The following SRP68 variants were observed in gnomAD, a reference collection of about 807,000 sequenced individuals.
SRP68 encodes the protein signal recognition particle 68.
A neutral mutation model predicts 82.2 loss-of-function variants in SRP68; 15 were observed. That is an observed-to-expected ratio of 0.18 (90% CI 0.12 to 0.28). SRP68 has a LOEUF of 0.28. Among genes scored for constraint, SRP68 ranks in the 10% least tolerant of loss-of-function variants. SRP68 has a pLI of 1.00. For synonymous variants in SRP68, 261 were observed against 292.6 expected (o/e 0.89, Z 1.10); for missense variants, 595 against 780.5 (o/e 0.76, Z 2.83).
At chr17:76,046,014 G>C in intron 11 of SRP68, 24 bp downstream of exon 11, 1 of 1,613,182 alleles carries the variant, frequency 6.2e-7, no homozygotes, top group South Asian at 1.1e-5. Context: ...ACAGGCCCTT[G>C]CCTTCCCGGT....
At chr17:76,055,926 G>A (rs1224875629) in intron 8 of SRP68, among the ~76,000 whole-genome samples, 1 of 147,850 alleles carries the variant, frequency 6.8e-6, no homozygotes, top group Non-Finnish European at 1.5e-5. Flanking sequence ...TCTTGCCTCA[G>A]CCTCCAAGTA....
At chr17:76,054,932 G>A (rs1314463892) in intron 8 of SRP68, among the ~76,000 whole-genome samples, 1 of 151,924 alleles carries the variant, frequency 6.6e-6, no homozygotes, top group African/African-American at 2.4e-5. Flanking sequence ...TATCAATGAA[G>A]GCATATAGGA....
intron 4 of SRP68, among the ~76,000 whole-genome samples, chr17:76,062,438 ACT>A (rs144744321): frequency 0.39 from 50,090 of 130,052 alleles, 10,246 homozygotes; most frequent in East Asian, 0.5. Context: ...ACACAGTGAG[ACT>A]CTCTTTCTAA....
rs544965338 is a variant in SRP68 at position 76,041,860 on chromosome 17, G to A, written c.1525-882C>T. Among the ~76,000 whole-genome samples the A allele has an allele frequency of 1.1e-4, 17 of 150,978 alleles. No homozygotes were observed. In the South Asian group the frequency reaches 1.3e-3, roughly 11 times the overall value. ...TCCAGCAGCTCCTACACTGGCTGGC[G>A]TGACTCCATCAACGACAGGAACCTT... On this transcript the variant is annotated intron_variant, in intron 13 of 15. Coordinates refer to ENST00000307877, the MANE Select transcript of SRP68 (RefSeq NM_014230.4).
chr17:76,053,354 T>C (rs2066689575), intron 8 of SRP68: 1 of 524,212 alleles, frequency 1.9e-6, no homozygotes, highest in Non-Finnish European at 2.4e-6. Context: ...TTTAATTCCA[T>C]GCAATCCAAC....
In SRP68 at chr17:76,072,322, C is replaced by G. The variant is rs756221342; in HGVS notation, c.170G>C (p.Ser57Thr). 1 of 1,612,306 alleles carries G rather than the reference C, an allele frequency of 6.2e-7. No individual in the cohort carries two copies. The highest frequency in any genetic ancestry group is 8.5e-7 in the Non-Finnish European group (1 of 1,179,482). Residue 57 changes from serine (S) to threonine (T), a missense_variant, in exon 1 of 16, where the codon AGC becomes ACC. Coordinates refer to ENST00000307877, the MANE Select transcript of SRP68 (RefSeq NM_014230.4). This position sits in a 1 kb window ranked among gnomAD's most constrained non-coding sequence, Gnocchi z 4.5. ...CTCTAGGATACTCTCCAAACTCAGG[C>G]TATCCCCAAATTCTTTGTTTGCCTT... is the stretch of plus-strand genomic sequence containing the variant. ...GSKANKEFGD[S>T]LSLEILQIIK...
chr17:76,059,907 C>A (rs1467216302), intron 7 of SRP68, among the ~76,000 whole-genome samples: 1 of 151,304 alleles, frequency 6.6e-6, no homozygotes, highest in South Asian at 2.1e-4. Flanking sequence ...GGGCGGATCT[C>A]GAGGTCAGGA....
At chr17:76,058,493 G>A (rs1722940037) in intron 7 of SRP68, among the ~76,000 whole-genome samples, 3 of 151,946 alleles carry the variant, frequency 2.0e-5, no homozygotes, top group African/African-American at 7.3e-5. Flanking sequence ...TCCTGGGCTC[G>A]AGTTATCCTT....
chr17:76,050,861 A>C (rs779775311), intron 8 of SRP68, among the ~76,000 whole-genome samples: 4 of 151,784 alleles, frequency 2.6e-5, no homozygotes, highest in Non-Finnish European at 5.9e-5. Flanking sequence ...CCCTCTGCTC[A>C]GGACCTGGCA....
At chr17:76,049,657 AATTTCT>A (rs774096643) in intron 9 of SRP68, 1 of 152,206 alleles carries the variant, frequency 6.6e-6, no homozygotes, top group African/African-American at 2.4e-5. Context: ...CGAAAATTAG[AATTTCT>A]ATTTCTATTT....
chr17:76,068,417 T>A (rs1361791106), intron 2 of SRP68, among the ~76,000 whole-genome samples: 1 of 147,494 alleles, frequency 6.8e-6, no homozygotes, highest in Non-Finnish European at 1.5e-5. Flanking sequence ...GAACACGCCA[T>A]TGCACTCCAG....
intron 7 of SRP68, among the ~76,000 whole-genome samples, chr17:76,059,838 T>G (rs1165683673): frequency 6.7e-6 from 1 of 148,926 alleles, no homozygotes; most frequent in Non-Finnish European, 1.5e-5. Flanking sequence ...TGCAAAAAGT[T>G]TTTTGGGCCG....
intron 7 of SRP68, 39 bp downstream of exon 7, chr17:76,060,269 G>C: frequency 7.1e-7 from 1 of 1,411,124 alleles, no homozygotes; most frequent in Non-Finnish European, 9.9e-7. Flanking sequence ...TCTGGACTTT[G>C]TCCAAAGACT....
At chr17:76,046,839 G>T (rs904441605) in intron 10 of SRP68, among the ~76,000 whole-genome samples, 4 of 152,116 alleles carry the variant, frequency 2.6e-5, no homozygotes, top group Non-Finnish European at 4.4e-5. Context: ...TACTTGGGAG[G>T]CTGAGGTAGG....
chr17:76,068,455 G>GGAAAAA (rs1315521372), intron 2 of SRP68, among the ~76,000 whole-genome samples: 2 of 115,864 alleles, frequency 1.7e-5, no homozygotes. Context: ...GACTGTGTCT[G>GGAAAAA]AAAAAAAAAA....
intron 2 of SRP68, among the ~76,000 whole-genome samples, chr17:76,070,166 G>A (rs1321175284): frequency 2.1e-5 from 3 of 143,694 alleles, no homozygotes; most frequent in Non-Finnish European, 4.5e-5. Context: ...GGAGGTTGCA[G>A]TGAGCCAACA....
At chr17:76,043,183 G>C (rs1567925819) in intron 13 of SRP68, among the ~76,000 whole-genome samples, 1 of 152,096 alleles carries the variant, frequency 6.6e-6, no homozygotes, top group African/African-American at 2.4e-5. Context: ...AGGGTCACTT[G>C]AGCCCAGGAG....
Position 76,071,960 on chromosome 17 carries a change from T to C in SRP68, c.184+348A>G. On this transcript the variant is annotated intron_variant, in intron 1 of 15. Transcript: ENST00000307877. This position sits in a 1 kb window ranked among gnomAD's most constrained non-coding sequence, Gnocchi z 4.7. Reference sequence around the variant, plus strand: ...TAAGCCAAATGTCAAGACTGCAGTTTCCTCTCCCCAGTTCAGTGGCTCAAG... The same window carrying C: ...TAAGCCAAATGTCAAGACTGCAGTTCCCTCTCCCCAGTTCAGTGGCTCAAG... 1 of 386,468 alleles carries C rather than the reference T, an allele frequency of 2.6e-6. No homozygotes were observed. Among genetic ancestry groups the C allele is most frequent in the Non-Finnish European group, 4.7e-6 (1 of 214,146 alleles). The allele number at this position is 386,468 out of a possible 1,614,324, so 23.9% of individuals were successfully genotyped here.
chr17:76,060,287 A>T (rs777872754), intron 7 of SRP68, 21 bp downstream of exon 7: 12 of 1,584,068 alleles, frequency 7.6e-6, no homozygotes, highest in African/African-American at 5.5e-5. Context: ...ACTTTTCACA[A>T]AAATGTACAT....
Sources: allele counts gnomAD v4.1 joint callset (sites outside exome capture counted in the v4.1 genomes callset), GRCh38; gene constraint gnomAD v4.1.1; non-coding constraint Gnocchi (gnomAD v3.1); transcripts MANE v1.5; gene names NCBI Gene and HGNC (gene_info 2026-07-23, HGNC 2026-07-21).